Variants in UBE2R2 observed in about 807,000 individuals in gnomAD.
UBE2R2 encodes the protein ubiquitin conjugating enzyme E2 R2.
UBE2R2 carries 1 observed loss-of-function variant against 27.8 expected under a neutral mutation model. The ratio of observed to expected loss-of-function variants is 0.04; its 90% confidence interval spans 0.01 to 0.17. The LOEUF is 0.17. UBE2R2 is among the 10% of genes least tolerant of loss of function. The probability of loss-of-function intolerance (pLI) is 1.00; values close to 1 mark genes in which losing one functional copy is unlikely to be tolerated. For missense variants in UBE2R2, 100 were observed against 291.0 expected (o/e 0.34, Z 4.78); for synonymous variants, 106 against 113.3 (o/e 0.94, Z 0.41).
chr9:33,861,536 G>A (rs1346031828), intron 1 of UBE2R2, among the ~76,000 whole-genome samples: 1 of 151,942 alleles, frequency 6.6e-6, no homozygotes, highest in Admixed American at 6.6e-5. Context: ...AGGTTGCAGT[G>A]AGCTGAGATC....
At chr9:33,824,802 CAA>C (rs1172352568) in intron 1 of UBE2R2, among the ~76,000 whole-genome samples, 27 of 76,976 alleles carry the variant, frequency 3.5e-4, no homozygotes, top group Admixed American at 4.7e-4. Flanking sequence ...AGCTCTGTCT[CAA>C]AAAAAAAAAA....
At chr9:33,891,200 C>T (rs1032331383) in intron 2 of UBE2R2, among the ~76,000 whole-genome samples, 2 of 151,656 alleles carry the variant, frequency 1.3e-5, no homozygotes, top group African/African-American at 4.8e-5. Flanking sequence ...CAGGTGCCTG[C>T]CCGGCTAATT....
At chr9:33,849,034 A>T (rs576549701) in intron 1 of UBE2R2, among the ~76,000 whole-genome samples, 108 of 151,588 alleles carry the variant, frequency 7.1e-4, no homozygotes, top group Admixed American at 1.6e-3. Flanking sequence ...AGGAGGGCGG[A>T]TCACCTGAGG....
intron 1 of UBE2R2, among the ~76,000 whole-genome samples, chr9:33,818,254 G>A (rs1290841710): frequency 6.6e-6 from 1 of 152,078 alleles, no homozygotes; most frequent in East Asian, 1.9e-4. Flanking sequence ...TGGAAAGAGC[G>A]GTGGTCTATC....
At chr9:33,871,204 T>A (rs1460848812) in intron 1 of UBE2R2, among the ~76,000 whole-genome samples, 1 of 152,366 alleles carries the variant, frequency 6.6e-6, no homozygotes. Context: ...TGCATGCCTG[T>A]CTTTTAATTA....
intron 1 of UBE2R2, among the ~76,000 whole-genome samples, chr9:33,823,654 G>A (rs1172659869): frequency 6.6e-6 from 1 of 152,208 alleles, no homozygotes; most frequent in Non-Finnish European, 1.5e-5. Flanking sequence ...GGGATTACAG[G>A]CATGAGCCAC....
chr9:33,854,962 G>A (rs1325105), intron 1 of UBE2R2, among the ~76,000 whole-genome samples: 4 of 151,694 alleles, frequency 2.6e-5, no homozygotes, highest in Non-Finnish European at 4.4e-5. Flanking sequence ...TCCACCCACC[G>A]TAGCCTCCCA....
intron 1 of UBE2R2, among the ~76,000 whole-genome samples, chr9:33,883,587 G>A (rs1211047226): frequency 2.6e-5 from 4 of 151,626 alleles, no homozygotes; most frequent in Non-Finnish European, 5.9e-5. Flanking sequence ...GTGGTGGCAT[G>A]CCCCTGTAGT....
chr9:33,865,521 T>G (rs1821341794), intron 1 of UBE2R2, among the ~76,000 whole-genome samples: 1 of 152,104 alleles, frequency 6.6e-6, no homozygotes, highest in African/African-American at 2.4e-5. Flanking sequence ...ATGCCGTTTT[T>G]CATTTTTAAA....
intron 1 of UBE2R2, among the ~76,000 whole-genome samples, chr9:33,883,771 C>T (rs1821787394): frequency 1.3e-5 from 2 of 149,884 alleles, no homozygotes; most frequent in South Asian, 4.2e-4. Flanking sequence ...GACCTATCTT[C>T]AAATTCACTA....
At chr9:33,881,439 C>T (rs747170678) in intron 1 of UBE2R2, among the ~76,000 whole-genome samples, 1 of 152,184 alleles carries the variant, frequency 6.6e-6, no homozygotes, top group Non-Finnish European at 1.5e-5. Context: ...CAAAAAGAAT[C>T]CCCATACTCA....
intron 1 of UBE2R2, among the ~76,000 whole-genome samples, chr9:33,884,789 A>G (rs1397314545): frequency 6.6e-6 from 1 of 151,124 alleles, no homozygotes; most frequent in Non-Finnish European, 1.5e-5. Context: ...CTCCTGTTGT[A>G]TGGACCATAC....
At chr9:33,828,737 G>T (rs12376951) in intron 1 of UBE2R2, among the ~76,000 whole-genome samples, 12 of 145,930 alleles carry the variant, frequency 8.2e-5, no homozygotes, top group Non-Finnish European at 6.0e-5. Flanking sequence ...AATTTTTGTA[G>T]TTTTTTTTTT....
At chr9:33,913,301 T>G (rs535696067) in intron 4 of UBE2R2, among the ~76,000 whole-genome samples, 2 of 152,334 alleles carry the variant, frequency 1.3e-5, no homozygotes, top group South Asian at 2.1e-4. Context: ...TCTTACTCTG[T>G]TGCCTGGGCT....
chr9:33,894,030 T>C (rs909198835), intron 2 of UBE2R2, among the ~76,000 whole-genome samples: 15 of 152,206 alleles, frequency 9.9e-5, no homozygotes, highest in African/African-American at 3.1e-4. Flanking sequence ...ATCTTTTAAA[T>C]GGACTGCCAA....
chr9:33,916,913 T>C (rs1822659259), intron 4 of UBE2R2, 105 bp from the exon 5 acceptor site: 1 of 1,485,176 alleles, frequency 6.7e-7, no homozygotes, highest in Non-Finnish European at 9.0e-7. Context: ...GGTACTGAAG[T>C]TTGGAGAGCT....
intron 1 of UBE2R2, among the ~76,000 whole-genome samples, chr9:33,840,183 A>C (rs944918108): frequency 1.3e-5 from 2 of 152,136 alleles, no homozygotes; most frequent in African/African-American, 4.8e-5. Context: ...TTAAAAAATA[A>C]GGCGAATATC....
chr9:33,873,817 G>T (rs367892204), intron 1 of UBE2R2, among the ~76,000 whole-genome samples: 1 of 151,944 alleles, frequency 6.6e-6, no homozygotes. Context: ...AAAAAATTAC[G>T]GTGTGTGTGG....
At chr9:33,843,255 G>A (rs1587438483) in intron 1 of UBE2R2, among the ~76,000 whole-genome samples, 1 of 149,928 alleles carries the variant, frequency 6.7e-6, no homozygotes, top group Non-Finnish European at 1.5e-5. Context: ...CACCATGTTG[G>A]CCAGGCTGGT....
Sources: allele counts gnomAD v4.1 joint callset (sites outside exome capture counted in the v4.1 genomes callset), GRCh38; gene constraint gnomAD v4.1.1; transcripts MANE v1.5; gene names NCBI Gene and HGNC (gene_info 2026-07-23, HGNC 2026-07-21).